PHLDB2: variants seen among roughly 807,000 people sequenced by gnomAD.
PHLDB2 encodes the protein pleckstrin homology like domain family B member 2.
Under a neutral mutation model 123.6 loss-of-function variants are expected in PHLDB2, and 71 were observed. The observed-to-expected ratio is 0.57, with a 90% confidence interval of 0.47 to 0.70. The LOEUF is 0.70. Among genes scored for constraint, PHLDB2 ranks in the 30% least tolerant of loss-of-function variants. The pLI is 0.00. For missense variants in PHLDB2, 1,446 were observed against 1,519.5 expected (o/e 0.95, Z 0.80); for synonymous variants, 547 against 541.6 (o/e 1.01, Z -0.14).
intron 2 of PHLDB2, among the ~76,000 whole-genome samples, chr3:111,908,902 T>C (rs2067708044): frequency 1.3e-5 from 2 of 152,178 alleles, no homozygotes; most frequent in South Asian, 4.1e-4. Flanking sequence ...ATTCTACCAC[T>C]CACTCAGACC....
chr3:111,894,481 A>G (rs376437251), intron 2 of PHLDB2, among the ~76,000 whole-genome samples: 162 of 151,952 alleles, frequency 1.1e-3, no homozygotes, highest in African/African-American at 3.8e-3. Flanking sequence ...CTGAGGAATC[A>G]CCACACTGAC....
intron 1 of PHLDB2, among the ~76,000 whole-genome samples, chr3:111,738,440 A>G (rs2059546186): frequency 6.6e-6 from 1 of 152,184 alleles, no homozygotes; most frequent in Admixed American, 6.5e-5. Context: ...ATAACCACAA[A>G]CATTTATTGA....
chr3:111,806,705 T>A (rs9880495), intron 1 of PHLDB2, among the ~76,000 whole-genome samples: 41,728 of 152,050 alleles, frequency 0.27, 6,129 homozygotes, highest in Non-Finnish European at 0.32. Flanking sequence ...AGGCTGGTCT[T>A]GAACTCCTGA....
chr3:111,964,067 C>G, intron 13 of PHLDB2, among the ~76,000 whole-genome samples: 1 of 152,226 alleles, frequency 6.6e-6, no homozygotes, highest in Non-Finnish European at 1.5e-5. Context: ...TACTTTGGCT[C>G]CAATTTTTTG....
At chr3:111,962,488 T>C (rs698360) in intron 13 of PHLDB2, among the ~76,000 whole-genome samples, 176 bp downstream of exon 13, 82,873 of 152,048 alleles carry the variant, frequency 0.55, 22,824 homozygotes, top group East Asian at 0.72. Context: ...GTTTCTCTTA[T>C]CTTGTGTAAC....
chr3:111,743,428 G>A (rs1055540385), intron 1 of PHLDB2, among the ~76,000 whole-genome samples: 4 of 152,202 alleles, frequency 2.6e-5, no homozygotes, highest in Admixed American at 6.5e-5. Context: ...CTTCTGCCTC[G>A]TGGACAAGCT....
chr3:111,761,984 G>C (rs1405356381), intron 1 of PHLDB2, among the ~76,000 whole-genome samples: 1 of 152,130 alleles, frequency 6.6e-6, no homozygotes, highest in African/African-American at 2.4e-5. Flanking sequence ...TCACCTAAAA[G>C]GGGCACTGCT....
chr3:111,857,460 A>AG (rs769250447), upstream of PHLDB2, among the ~76,000 whole-genome samples: 3 of 81,068 alleles, frequency 3.7e-5, no homozygotes, highest in Middle Eastern at 8.1e-3. Context: ...CAAAAAAAAA[A>AG]AAAAGAAAAG....
chr3:111,744,058 C>T (rs373962739), intron 1 of PHLDB2, among the ~76,000 whole-genome samples: 2 of 152,034 alleles, frequency 1.3e-5, no homozygotes, highest in Non-Finnish European at 2.9e-5. Flanking sequence ...AAAAAACAGA[C>T]GAAAGGTTAC....
At chr3:111,823,236 T>C (rs1181040708) in intron 1 of PHLDB2, among the ~76,000 whole-genome samples, 1 of 152,236 alleles carries the variant, frequency 6.6e-6, no homozygotes, top group African/African-American at 2.4e-5. Flanking sequence ...ATTTCAACAG[T>C]TCCCCCTAAT....
chr3:111,784,021 C>T (rs1353410012), intron 1 of PHLDB2, among the ~76,000 whole-genome samples: 1 of 152,002 alleles, frequency 6.6e-6, no homozygotes, highest in Non-Finnish European at 1.5e-5. Flanking sequence ...ATTCTCTCTC[C>T]GGAATGATCA....
intron 1 of PHLDB2, among the ~76,000 whole-genome samples, chr3:111,798,026 T>C (rs138570435): frequency 2.7e-4 from 41 of 152,242 alleles, no homozygotes; most frequent in Middle Eastern, 3.4e-3. Context: ...CCCAGCTACC[T>C]GGGAGGCTGA....
intron 10 of PHLDB2, chr3:111,949,687 C>A (rs1031278807): frequency 1.0e-6 from 1 of 977,834 alleles, no homozygotes; most frequent in African/African-American, 1.8e-5. Flanking sequence ...TATACCTTTT[C>A]TTTCTCCTAT....
intron 1 of PHLDB2, among the ~76,000 whole-genome samples, chr3:111,761,553 C>T (rs567256329): frequency 5.6e-4 from 85 of 152,320 alleles, no homozygotes; most frequent in Non-Finnish European, 1.1e-3. Flanking sequence ...TGTTAAGAAT[C>T]ATAGTTAGAT....
intron 1 of PHLDB2, among the ~76,000 whole-genome samples, chr3:111,752,342 C>T (rs1176062877): frequency 6.6e-6 from 1 of 151,992 alleles, no homozygotes; most frequent in Non-Finnish European, 1.5e-5. Flanking sequence ...CTCATAGGCT[C>T]TCTACTTTTT....
Position 111,884,559 on chromosome 3 carries a change from T to C in PHLDB2, c.482T>C (p.Val161Ala). ...TCAAGGCATAAATCGCATGACAATGTCTACTCTCTTGGAGGGCTGGAAGGT... is the reference window on the plus strand; with the variant it reads ...TCAAGGCATAAATCGCATGACAATGCCTACTCTCTTGGAGGGCTGGAAGGT... ...YSSRHKSHDN[V>A]YSLGGLEGRK... is the part of the protein sequence containing the mutation. Residue 161 changes from valine (V) to alanine (A), a missense_variant, in exon 2 of 18, where the codon GTC (valine) becomes GCC (alanine). This residue lies in a region of PHLDB2 where 832 missense variants were observed against 831.9 expected (regional missense o/e 1.00). Coordinates refer to ENST00000431670, the MANE Select transcript of PHLDB2 (RefSeq NM_001134438.2). 1 of 1,614,016 alleles carries C rather than the reference T, an allele frequency of 6.2e-7. No individual in the cohort carries two copies. The highest frequency in any genetic ancestry group is 8.5e-7 in the Non-Finnish European group (1 of 1,180,006).
At chr3:111,772,859 G>C (rs573453768) in intron 1 of PHLDB2, among the ~76,000 whole-genome samples, 1 of 152,208 alleles carries the variant, frequency 6.6e-6, no homozygotes, top group East Asian at 1.9e-4. Flanking sequence ...AGGCCCCACA[G>C]GCCTGCACCC....
intron 1 of PHLDB2, among the ~76,000 whole-genome samples, chr3:111,822,051 G>A (rs771229734): frequency 3.9e-5 from 6 of 152,110 alleles, no homozygotes; most frequent in Non-Finnish European, 7.4e-5. Context: ...GGAAGAGTTT[G>A]AATTTCAGTT....
At chr3:111,897,981 G>A (rs1368805328) in intron 2 of PHLDB2, among the ~76,000 whole-genome samples, 1 of 152,128 alleles carries the variant, frequency 6.6e-6, no homozygotes, top group Non-Finnish European at 1.5e-5. Flanking sequence ...ACAGCATTAT[G>A]TATAAAAATG....
Sources: allele counts gnomAD v4.1 joint callset (sites outside exome capture counted in the v4.1 genomes callset), GRCh38; gene constraint gnomAD v4.1.1; regional missense constraint gnomAD v4.1.1; transcripts MANE v1.5; gene names NCBI Gene and HGNC (gene_info 2026-07-23, HGNC 2026-07-21).